The following TFRC variants were observed in gnomAD, a reference collection of about 807,000 sequenced individuals.
TFRC encodes the protein transferrin receptor.
In TFRC, 35 loss-of-function variants were observed where a neutral mutation model predicts 85.8. That is an observed-to-expected ratio of 0.41 (90% CI 0.31 to 0.54). The LOEUF (loss-of-function observed/expected upper bound fraction) is 0.54, where lower values mean the gene tolerates loss of function less well. TFRC is among the 20% of genes least tolerant of loss of function. The pLI is 0.31. For missense variants in TFRC, 828 were observed against 921.5 expected (o/e 0.90, Z 1.31); for synonymous variants, 362 against 328.6 (o/e 1.10, Z -1.10).
intron 18 of TFRC, 107 bp from the exon 19 acceptor site, chr3:196,052,291 ACTTTTT>A: frequency 1.1e-6 from 1 of 883,448 alleles, no homozygotes; most frequent in Non-Finnish European, 1.6e-6. Context: ...TGCCGATCAG[ACTTTTT>A]TTTTTTTTTT....
intron 17 of TFRC, among the ~76,000 whole-genome samples, chr3:196,054,186 C>T (rs1419768735): frequency 6.6e-6 from 1 of 152,066 alleles, no homozygotes; most frequent in African/African-American, 2.4e-5. Flanking sequence ...TACAGTGAGC[C>T]GAGATCTCGC....
intron 13 of TFRC, among the ~76,000 whole-genome samples, chr3:196,062,225 A>C (rs1052419445): frequency 1.3e-5 from 2 of 151,718 alleles, no homozygotes; most frequent in African/African-American, 4.8e-5. Context: ...CTCAAAAAAA[A>C]AAAAAAGCTT....
At chr3:196,068,176 C>G (rs772059814) in intron 7 of TFRC, 46 bp from the exon 8 acceptor site, 14 of 1,437,512 alleles carry the variant, frequency 9.7e-6, no homozygotes, top group Non-Finnish European at 1.4e-5. Context: ...TCTGATCATA[C>G]GAAATGAGAA....
chr3:196,064,820 T>C (rs1717579702), intron 10 of TFRC, among the ~76,000 whole-genome samples: 1 of 152,268 alleles, frequency 6.6e-6, no homozygotes, highest in Admixed American at 6.5e-5. Context: ...AAAGAGAGAC[T>C]GTATAGCCTG....
At chr3:196,070,360 C>T (rs761101269) in intron 6 of TFRC, among the ~76,000 whole-genome samples, 14 of 151,482 alleles carry the variant, frequency 9.2e-5, no homozygotes, top group Non-Finnish European at 1.8e-4. Flanking sequence ...CACCTCCTGG[C>T]TTCAAGCGAT....
At position 196,068,112 on chromosome 3, in the gene TFRC, A is replaced by G; in HGVS notation, c.820T>C (p.Leu274=). The G allele has an allele frequency of 1.2e-6, 2 of 1,612,300 alleles. No homozygotes were observed. ...FAEKVANAES[L]NAIGVLIYMD... ...TATATCAACACACCAATTGCATTTA[A>G]GCTTTCAGCATTTGCAACCTAAAAG... The change falls in exon 8 of 19, where the codon TTA becomes CTA. Residue 274 remains leucine, a synonymous_variant. Coordinates refer to ENST00000360110, the MANE Select transcript of TFRC (RefSeq NM_001128148.3).
chr3:196,060,127 G>A, intron 14 of TFRC, 53 bp downstream of exon 14: 5 of 1,440,926 alleles, frequency 3.5e-6, no homozygotes, highest in South Asian at 1.2e-5. Flanking sequence ...TTTATCTCAG[G>A]TTGATTCAAC....
At chr3:196,058,511 C>A in intron 15 of TFRC, 63 bp downstream of exon 15, 1 of 1,525,858 alleles carries the variant, frequency 6.6e-7, no homozygotes, top group Non-Finnish European at 9.0e-7. Flanking sequence ...TAGATTCTAC[C>A]TAATGTAGTA....
intron 16 of TFRC, among the ~76,000 whole-genome samples, chr3:196,057,781 C>CAAAAAAAAAAAA (rs370832734): frequency 1.3e-5 from 1 of 77,566 alleles, no homozygotes; most frequent in Admixed American, 1.4e-4. Flanking sequence ...TCACCATTGT[C>CAAAAAAAAAAAA]AAAAAAAAAA....
chr3:196,052,833 C>T (rs1716447796), intron 18 of TFRC, among the ~76,000 whole-genome samples: 1 of 152,062 alleles, frequency 6.6e-6, no homozygotes, highest in Non-Finnish European at 1.5e-5. Context: ...CTAAAGGAGG[C>T]TAGGCACAGC....
Position 196,067,610 on chromosome 3 carries a change from G to A in TFRC, c.948C>T (p.Phe316=), listed in dbSNP as rs1717844104. The A allele has an allele frequency of 6.2e-7, 1 of 1,614,058 alleles. No individual in the cohort carries two copies. Among genetic ancestry groups the A allele is most frequent in the South Asian group, 1.1e-5 (1 of 91,092 alleles). The part of the protein sequence containing the change: ...GDPYTPGFPS[F]NHTQFPPSRS... ...GAGATGGTGGAAACTGAGTGTGATT[G>A]AAGGAAGGGAATCCAGGTGTGTAAG... Residue 316 remains phenylalanine, a synonymous_variant, in exon 9 of 19, where the codon TTC becomes TTT. Coordinates refer to ENST00000360110, the MANE Select transcript of TFRC (RefSeq NM_001128148.3).
chr3:196,072,263 G>T (rs1718277133), intron 4 of TFRC, 111 bp from the exon 5 acceptor site: 2 of 1,381,190 alleles, frequency 1.4e-6, no homozygotes, highest in East Asian at 2.4e-5. Flanking sequence ...TCATAGTTCA[G>T]ATAAATGAAC....
At chr3:196,059,016 G>GA (rs965843901) in intron 14 of TFRC, 13 of 150,828 alleles carry the variant, frequency 8.6e-5, no homozygotes, top group African/African-American at 1.2e-4. Flanking sequence ...AAAAAAAAAG[G>GA]AAAAAAAAAT....
Position 196,072,111 on chromosome 3 carries a change from G to C in TFRC, c.476C>G (p.Ser159Cys). 8 of 1,614,052 alleles carry C rather than the reference G, an allele frequency of 5.0e-6. No individual in the cohort carries two copies. Among genetic ancestry groups the C allele is most frequent in the Non-Finnish European group, 6.8e-6 (8 of 1,180,014 alleles). ...ENSYVPREAG[S>C]QKDENLALYV... Reference sequence around the variant, plus strand: ...CAACGCAAGATTTTCATCTTTTTGAGATCCAGCCTCACGAGGGACATATGA... The same window carrying C: ...CAACGCAAGATTTTCATCTTTTTGACATCCAGCCTCACGAGGGACATATGA... The change falls in exon 5 of 19, where the codon TCT (serine) becomes TGT (cysteine). Residue 159 changes from serine to cysteine, a missense_variant. By Grantham distance (112) the Ser-to-Cys change is moderately radical. Coordinates refer to ENST00000360110, the MANE Select transcript of TFRC (RefSeq NM_001128148.3).
intron 16 of TFRC, among the ~76,000 whole-genome samples, chr3:196,057,219 C>G (rs1248903525): frequency 6.6e-6 from 1 of 152,188 alleles, no homozygotes; most frequent in African/African-American, 2.4e-5. Context: ...GGTTAAAGAT[C>G]GAGCCCTGAC....
At position 196,073,511 on chromosome 3, in the gene TFRC, C is replaced by T. The variant is rs906508823; in HGVS notation, c.434+419G>A. Among the ~76,000 whole-genome samples the T allele has an allele frequency of 2.0e-5, 3 of 152,042 alleles. No homozygotes were observed. In the East Asian group the frequency reaches 5.8e-4, roughly 29 times the overall value. On this transcript the variant is annotated intron_variant, in intron 4 of 18. Transcript: ENST00000360110. ...AGAAGCACTAGAGACTTAAGGCAGG[C>T]AGTTACCCATGATCAAGGAGATGAA...
In TFRC at chr3:196,051,664, CA is replaced by C. The variant is rs41298101; in HGVS notation, c.*277del. 0.14 allele frequency: 56,094 copies of C among 397,306 alleles called. 4,370 individuals carry two copies. Among genetic ancestry groups the C allele is most frequent in the Middle Eastern group, 0.18 (264 of 1,464 alleles). 24.6% of individuals were successfully genotyped at this position (397,306 alleles called of 1,614,324 possible). A position where few individuals can be genotyped will look rare whatever the true frequency, so the allele number is the denominator to read the frequency against. Reference sequence around the variant, plus strand: ...TTTCTGACATTTTCATTAACAACAACAGGAAAGAGGCAGTTCCCATTACAAA... The same window carrying C: ...TTTCTGACATTTTCATTAACAACAACGGAAAGAGGCAGTTCCCATTACAAA... On this transcript the variant is annotated 3_prime_UTR_variant, in exon 19 of 19. Coordinates refer to ENST00000360110, the MANE Select transcript of TFRC (RefSeq NM_001128148.3).
At chr3:196,079,495 T>C (rs989300993) in intron 1 of TFRC, among the ~76,000 whole-genome samples, 18 of 152,074 alleles carry the variant, frequency 1.2e-4, no homozygotes, top group African/African-American at 3.9e-4. Context: ...ATGCCTGTAA[T>C]CCCAGCTACT....
rs1280969414 is a variant in TFRC, at chr3:196,058,809, C to T, written c.1537-177G>A. On this transcript the variant is annotated intron_variant, in intron 14 of 18. Coordinates refer to ENST00000360110, the MANE Select transcript of TFRC (RefSeq NM_001128148.3). ...CAACTTTAAGTTATTACTAACTAGG[C>T]TCATGTTGTCAGTTCCTTTAGTTAT... 3 of 399,128 alleles carry T rather than the reference C, an allele frequency of 7.5e-6. No individual in the cohort carries two copies. In the Admixed American group the frequency reaches 1.2e-4, roughly 17 times the overall value. 24.7% of individuals were successfully genotyped at this position (399,128 alleles called of 1,614,324 possible).
Sources: gnomAD v4.1 joint callset for allele counts (sites outside exome capture counted in the v4.1 genomes callset) on GRCh38, gnomAD v4.1.1 for gene constraint, MANE v1.5 for transcripts, NCBI Gene and HGNC (gene_info 2026-07-23, HGNC 2026-07-21) for gene names.